Variants in PPP1CA observed in about 807,000 individuals in gnomAD.
PPP1CA encodes the protein protein phosphatase 1 catalytic subunit alpha.
In PPP1CA, 14 loss-of-function variants were observed where a neutral mutation model predicts 38.5. The observed-to-expected ratio is 0.36, with a 90% confidence interval of 0.24 to 0.57. PPP1CA has a LOEUF of 0.57. PPP1CA is among the 20% of genes least tolerant of loss of function. The probability of loss-of-function intolerance (pLI) is 0.80; values close to 1 mark genes in which losing one functional copy is unlikely to be tolerated. For synonymous variants in PPP1CA, 200 were observed against 177.3 expected, an observed-to-expected ratio of 1.13 and a Z score of -1.02; for missense variants, 277 against 435.2, an observed-to-expected ratio of 0.64 and a Z score of 3.23.
intron 1 of PPP1CA, 157 bp from the exon 2 acceptor site, chr11:67,401,356 C>A: frequency 7.7e-7 from 1 of 1,295,496 alleles, no homozygotes; most frequent in Non-Finnish European, 1.1e-6. Flanking sequence ...ACCGCGGCCT[C>A]AAGCCTCCCA....
intron 1 of PPP1CA, 142 bp downstream of exon 1, chr11:67,401,586 G>C (rs114379450): frequency 2.6e-5 from 19 of 720,934 alleles, no homozygotes; most frequent in African/African-American, 7.5e-5. Flanking sequence ...GCGCGTCCGC[G>C]GGGGGGCAGC....
At chr11:67,400,559 TG>T in intron 3 of PPP1CA, 129 bp downstream of exon 3, 1 of 923,154 alleles carries the variant, frequency 1.1e-6, no homozygotes, top group African/African-American at 1.6e-5. Flanking sequence ...AGAACGGACC[TG>T]GGCCCCGCCT....
Position 67,398,653 on chromosome 11 carries a change from A to G in PPP1CA, c.883-8T>C. The G allele has an allele frequency of 6.2e-7, 1 of 1,613,918 alleles. No individual in the cohort carries two copies. The highest frequency in any genetic ancestry group is 8.5e-7 in the Non-Finnish European group (1 of 1,179,886). ...GTCGGCGGGCTTGAGGATCTAAAAG[A>G]GACAGTGTTGGTCAGGCTCATGGGG... On this transcript the variant is annotated splice_polypyrimidine_tract_variant and splice_region_variant and intron_variant, in intron 6 of 6. Coordinates refer to ENST00000376745, the MANE Select transcript of PPP1CA (RefSeq NM_002708.4).
At chr11:67,401,032 T>C in intron 2 of PPP1CA, 36 bp downstream of exon 2, 2 of 1,611,976 alleles carry the variant, frequency 1.2e-6, no homozygotes, top group Admixed American at 3.3e-5. Flanking sequence ...CAGTGCCACT[T>C]TTAGGAAGGC....
rs1234678645 is a variant in PPP1CA, at chr11:67,398,776, A to G, written c.828T>C (p.Phe276=). The change falls in exon 6 of 7, where the codon TTT becomes TTC. Residue 276 remains phenylalanine (F), a synonymous_variant. Coordinates refer to ENST00000376745, the MANE Select transcript of PPP1CA (RefSeq NM_002708.4). ...LFSAPNYCGE[F]DNAGAMMSVD... ...CACTCATCATGGCGCCAGCATTGTC[A>G]AACTCGCCACAGTAGTTGGGAGCTG... The G allele has an allele frequency of 3.1e-6, 5 of 1,613,762 alleles. No individual in the cohort carries two copies. In the African/African-American group the frequency reaches 6.7e-5, roughly 22 times the overall value.
At position 67,398,520 on chromosome 11, in the gene PPP1CA, GGTGGTGT is replaced by G; in HGVS notation, c.*8_*14del. The G allele has an allele frequency of 1.2e-6, 2 of 1,609,120 alleles. No individual in the cohort carries two copies. The highest frequency in any genetic ancestry group is 8.5e-7 in the Non-Finnish European group (1 of 1,176,066). On this transcript the variant is annotated 3_prime_UTR_variant, in exon 7 of 7. Transcript: ENST00000376745. ...AATCAATCCATCATCTGGGGCACAGGGTGGTGTGCGGGGGCTATTTCTTGGCTTTGGC... is the reference window on the plus strand; with the variant it reads ...AATCAATCCATCATCTGGGGCACAGGGCGGGGGCTATTTCTTGGCTTTGGC...
At chr11:67,399,753 GAGTC>G in intron 3 of PPP1CA, 88 bp from the exon 4 acceptor site, 2 of 1,094,516 alleles carry the variant, frequency 1.8e-6, no homozygotes, top group East Asian at 2.6e-5. Flanking sequence ...TGGGAGGAGA[GAGTC>G]AGGCACCGAT....
At chr11:67,400,234 G>A (rs970678609) in intron 3 of PPP1CA, among the ~76,000 whole-genome samples, 2 of 152,208 alleles carry the variant, frequency 1.3e-5, no homozygotes, top group Non-Finnish European at 2.9e-5. Flanking sequence ...GGGTCCAAGG[G>A]ATCTTCCCGC....
Position 67,401,743 on chromosome 11 carries a change from C to T in PPP1CA, c.40G>A (p.Gly14Arg), listed in dbSNP as rs761547123. 1 of 1,478,456 alleles carries T rather than the reference C, an allele frequency of 6.8e-7. No individual in the cohort carries two copies. The highest frequency in any genetic ancestry group is 9.0e-7 in the Non-Finnish European group (1 of 1,105,950). 91.6% of individuals were successfully genotyped at this position (1,478,456 alleles called of 1,614,324 possible). A position where few individuals can be genotyped will look rare whatever the true frequency, so the allele number is the denominator to read the frequency against. The stretch of plus-strand genomic sequence containing the variant: ...CCCGACCAACCTTCCAGCAGGCGCC[C>T]GATGATCGAGTCCAGGTTGAGCTTC... Reference protein sequence around the residue: ...SEKLNLDSIIGRLLEVQGSRP... With the variant: ...SEKLNLDSIIRRLLEVQGSRP... The change falls in exon 1 of 7, where the codon GGG becomes AGG. Residue 14 changes from glycine (G) to arginine (R), a missense_variant. Physicochemically the swap from Gly to Arg is moderately radical, Grantham distance 125. Around this residue, in one of 3 missense-constraint regions of PPP1CA, gnomAD observed 44 missense variants for 27.4 expected, o/e 1.60. Transcript: ENST00000376745.
Position 67,398,654 on chromosome 11 carries a change from GAC to G in PPP1CA, c.883-11_883-10del, listed in dbSNP as rs1862800599. On this transcript the variant is annotated splice_polypyrimidine_tract_variant and intron_variant, in intron 6 of 6. Transcript: ENST00000376745. ...TCGGCGGGCTTGAGGATCTAAAAGAGACAGTGTTGGTCAGGCTCATGGGGCTG... is the reference window on the plus strand; with the variant it reads ...TCGGCGGGCTTGAGGATCTAAAAGAGAGTGTTGGTCAGGCTCATGGGGCTG... 5 of 1,613,920 alleles carry G rather than the reference GAC, an allele frequency of 3.1e-6. No individual in the cohort carries two copies. Among genetic ancestry groups the G allele is most frequent in the Non-Finnish European group, 4.2e-6 (5 of 1,179,954 alleles).
At chr11:67,400,970 C>T (rs1270914772) in intron 2 of PPP1CA, 51 bp from the exon 3 acceptor site, 1 of 1,609,920 alleles carries the variant, frequency 6.2e-7, no homozygotes, top group Non-Finnish European at 8.5e-7. Context: ...GACCTGAACC[C>T]AGGGCCAGGA....
intron 1 of PPP1CA, 109 bp downstream of exon 1, chr11:67,401,619 C>G: frequency 9.7e-7 from 1 of 1,027,158 alleles, no homozygotes; most frequent in Non-Finnish European, 1.3e-6. Flanking sequence ...ACCTCGCTGC[C>G]CGTCCCCGCC....
chr11:67,401,251 G>A (rs1318091831), intron 1 of PPP1CA, 52 bp from the exon 2 acceptor site: 1 of 1,606,420 alleles, frequency 6.2e-7, no homozygotes, highest in East Asian at 2.2e-5. Context: ...AGGAGGGTGG[G>A]CGACACGGGT....
rs17882894 is a variant in PPP1CA, at chr11:67,399,282, G to A, written c.524-119C>T. ...TGGTCCCGCCACTGGTCTCCTGGGC[G>A]CCTAGACAGGCAGAAGTCATCCCCT... On this transcript the variant is annotated intron_variant, in intron 4 of 6. Transcript: ENST00000376745. The A allele has an allele frequency of 6.4e-3, 6,129 of 950,500 alleles. 237 individuals carry two copies. The African/African-American group carries it at 0.087, about 13-fold the overall frequency. The allele number at this position is 950,500 out of a possible 1,614,324, so 58.9% of individuals were successfully genotyped here.
At chr11:67,401,445 G>A in intron 1 of PPP1CA, 1 of 660,234 alleles carries the variant, frequency 1.5e-6, no homozygotes, top group Non-Finnish European at 2.5e-6. Flanking sequence ...ACCTCACAGC[G>A]CAGGACCCCT....
At chr11:67,400,402 C>T (rs969449702) in intron 3 of PPP1CA, among the ~76,000 whole-genome samples, 3 of 152,206 alleles carry the variant, frequency 2.0e-5, no homozygotes, top group East Asian at 3.8e-4. Flanking sequence ...ACAGCAGAGC[C>T]CATCTGCAAA....
rs764234429 is a variant in PPP1CA at position 67,401,831 on chromosome 11, C to T, written c.-49G>A. 1 of 1,353,436 alleles carries T rather than the reference C, an allele frequency of 7.4e-7. No homozygotes were observed. The highest frequency in any genetic ancestry group is 9.6e-7 in the Non-Finnish European group (1 of 1,041,876). The allele number at this position is 1,353,436 out of a possible 1,614,324, so 83.8% of individuals were successfully genotyped here. On this transcript the variant is annotated 5_prime_UTR_variant, in exon 1 of 7. Transcript: ENST00000376745. ...GCAGCTCCTGGCCCGCTCCTGCCTC[C>T]CGCCCTCCGGCAGCCTCCTTCCGGC...
chr11:67,398,578 C>G lies in PPP1CA; in HGVS notation c.950G>C (p.Arg317Pro). 1 of 1,614,032 alleles carries G rather than the reference C, an allele frequency of 6.2e-7. No individual in the cohort carries two copies. Among genetic ancestry groups the G allele is most frequent in the Non-Finnish European group, 8.5e-7 (1 of 1,179,996 alleles). Reference sequence around the variant, plus strand: ...GGAATTGCGGGGTGGGGTGATGGGTCGGCCTCCAGGGTTCAGGCCACTGAA... The same window carrying G: ...GGAATTGCGGGGTGGGGTGATGGGTGGGCCTCCAGGGTTCAGGCCACTGAA... Reference protein sequence around the residue: ...GQFSGLNPGGRPITPPRNSAK... With the variant: ...GQFSGLNPGGPPITPPRNSAK... The change falls in exon 7 of 7, where the codon CGA becomes CCA. Residue 317 changes from arginine to proline, a missense_variant. By Grantham distance (103) the Arg-to-Pro change is moderately radical. This residue lies in a region of PPP1CA where 53 missense variants were observed against 51.1 expected (regional missense o/e 1.04). Transcript: ENST00000376745.
At chr11:67,400,545 C>T in intron 3 of PPP1CA, 144 bp downstream of exon 3, 1 of 789,224 alleles carries the variant, frequency 1.3e-6, no homozygotes. Context: ...GCAGGGCAGG[C>T]ACGAGAACGG....
Sources: allele counts gnomAD v4.1 joint callset (sites outside exome capture counted in the v4.1 genomes callset), GRCh38; gene constraint gnomAD v4.1.1; regional missense constraint gnomAD v4.1.1; transcripts MANE v1.5; gene names NCBI Gene and HGNC (gene_info 2026-07-23, HGNC 2026-07-21).